TCF12: variants seen among roughly 807,000 people sequenced by gnomAD.
TCF12 encodes transcription factor 12, also known as DNA-binding protein HTF4.
In TCF12, 45 loss-of-function variants were observed where a neutral mutation model predicts 86.0. The ratio of observed to expected loss-of-function variants is 0.52; its 90% CI spans 0.41 to 0.67. The LOEUF (loss-of-function observed/expected upper bound fraction) is 0.67. Among genes scored for constraint, TCF12 ranks in the 30% least tolerant of loss-of-function variants. TCF12 has a pLI of 0.00. For missense variants in TCF12, 881 were observed against 859.9 expected (o/e 1.02, Z -0.31); for synonymous variants, 330 against 299.6 (o/e 1.10, Z -1.05).
intron 5 of TCF12, among the ~76,000 whole-genome samples, chr15:57,103,537 T>C (rs1435116369): frequency 1.3e-5 from 2 of 152,206 alleles, no homozygotes; most frequent in Non-Finnish European, 2.9e-5. Flanking sequence ...AACGCACTTA[T>C]GAAGATGAAT....
At chr15:57,227,572 T>G (rs1019178976) in intron 8 of TCF12, among the ~76,000 whole-genome samples, 1 of 152,266 alleles carries the variant, frequency 6.6e-6, no homozygotes, top group Non-Finnish European at 1.5e-5. Flanking sequence ...GTGAGTGTGA[T>G]GAGGACATGC....
chr15:57,013,467 T>G (rs1004608985), intron 3 of TCF12, among the ~76,000 whole-genome samples: 24 of 152,136 alleles, frequency 1.6e-4, no homozygotes, highest in Non-Finnish European at 7.4e-5. Flanking sequence ...TGCGCCACCA[T>G]GCAAAAATTA....
intron 5 of TCF12, among the ~76,000 whole-genome samples, chr15:57,127,845 C>G (rs1222969628): frequency 6.6e-6 from 1 of 151,994 alleles, no homozygotes; most frequent in African/African-American, 2.4e-5. Context: ...AATTCTCGGG[C>G]GAGCCATCTA....
At chr15:57,051,215 A>G (rs2067588743) in intron 3 of TCF12, among the ~76,000 whole-genome samples, 1 of 152,224 alleles carries the variant, frequency 6.6e-6, no homozygotes, top group Non-Finnish European at 1.5e-5. Context: ...TTATTTACCA[A>G]GCCTTTCTAG....
Position 57,237,284 on chromosome 15 carries a change from C to G in TCF12, c.1035+3177C>G, listed in dbSNP as rs185284379. Among the ~76,000 whole-genome samples, 12 of 152,158 alleles carry G rather than the reference C, an allele frequency of 7.9e-5. No homozygotes were observed. In the East Asian group the frequency reaches 2.3e-3, roughly 29 times the overall value. The stretch of plus-strand genomic sequence containing the variant: ...AATTCATGAAATAACTTTCTTTGTT[C>G]CTTAGACTCAATAACATTAGCATAA... On this transcript the variant is annotated intron_variant, in intron 12 of 20. Coordinates refer to ENST00000333725, the MANE Select transcript of TCF12 (RefSeq NM_207037.2).
intron 4 of TCF12, among the ~76,000 whole-genome samples, chr15:57,066,418 C>G (rs2068878196): frequency 6.6e-6 from 1 of 151,928 alleles, no homozygotes; most frequent in Non-Finnish European, 1.5e-5. Context: ...AAAAATTTGT[C>G]AACTTAAACA....
rs558121697 is a variant in TCF12, at chr15:56,987,103, A to G, written c.148+66005A>G. On this transcript the variant is annotated intron_variant, in intron 3 of 20. Transcript: ENST00000333725. ...AATGCAATATTTAGTGAGCTTAATTAGTTGCTTTTTTTTTTTCCACCCTGA... is the reference window on the plus strand; with the variant it reads ...AATGCAATATTTAGTGAGCTTAATTGGTTGCTTTTTTTTTTTCCACCCTGA... 1.9e-3 allele frequency among the ~76,000 whole-genome samples: 289 copies of G among 151,888 alleles called. 1 individual carries two copies. The highest frequency in any genetic ancestry group is 3.1e-3 in the Non-Finnish European group (208 of 67,936).
chr15:56,977,281 C>T (rs1251991114), intron 3 of TCF12, among the ~76,000 whole-genome samples: 6 of 151,988 alleles, frequency 3.9e-5, no homozygotes, highest in Non-Finnish European at 8.8e-5. Flanking sequence ...GCCTGTAATC[C>T]TAGCACTTTG....
At position 57,051,892 on chromosome 15, in the gene TCF12, G is replaced by T. The variant is rs2067648802; in HGVS notation, c.149-11858G>T. On this transcript the variant is annotated intron_variant, in intron 3 of 20. Coordinates refer to ENST00000333725, the MANE Select transcript of TCF12 (RefSeq NM_207037.2). The stretch of plus-strand genomic sequence containing the variant: ...CAGTTTTCCCATTGCCATTTTTAGA[G>T]ACTATCCTTTCCCTATTATGTATTC... Among the ~76,000 whole-genome samples the T allele has an allele frequency of 2.6e-5, 4 of 152,236 alleles. No homozygotes were observed. The South Asian group carries it at 6.2e-4, about 24-fold the overall frequency.
rs1269656012 is a variant in TCF12 at position 57,286,818 on chromosome 15, T to C, written c.*673T>C. On this transcript the variant is annotated 3_prime_UTR_variant, in exon 21 of 21. Coordinates refer to ENST00000333725, the MANE Select transcript of TCF12 (RefSeq NM_207037.2). The stretch of plus-strand genomic sequence containing the variant: ...TTTTGATTTATTTTTATTTTCTCTT[T>C]GTGGGTGTTATATTTGATCTCTAAA... The C allele has an allele frequency of 2.6e-6, 1 of 377,786 alleles. No individual in the cohort carries two copies. The highest frequency in any genetic ancestry group is 2.1e-5 in the African/African-American group (1 of 47,298). 23.4% of individuals were successfully genotyped at this position (377,786 alleles called of 1,614,324 possible). A position where few individuals can be genotyped will look rare whatever the true frequency, so the allele number is the denominator to read the frequency against.
intron 5 of TCF12, among the ~76,000 whole-genome samples, chr15:57,148,239 T>A (rs2053505138): frequency 6.6e-6 from 1 of 151,604 alleles, no homozygotes; most frequent in African/African-American, 2.4e-5. Flanking sequence ...TAGAGTGGGG[T>A]TATTTTAGAT....
At chr15:57,252,653 T>C (rs2060169803) in intron 15 of TCF12, among the ~76,000 whole-genome samples, 161 bp downstream of exon 15, 1 of 152,246 alleles carries the variant, frequency 6.6e-6, no homozygotes, top group Non-Finnish European at 1.5e-5. Flanking sequence ...TTGTCTCTTA[T>C]GTTGTTGAAA....
At chr15:57,247,756 G>C in intron 13 of TCF12, 6 of 738,348 alleles carry the variant, frequency 8.1e-6, no homozygotes, top group South Asian at 5.7e-5. Context: ...TGTCAGCCTT[G>C]TGTGGTCTAG....
chr15:57,068,650 T>A (rs552931833), intron 4 of TCF12, among the ~76,000 whole-genome samples: 3 of 152,248 alleles, frequency 2.0e-5, no homozygotes, highest in South Asian at 4.1e-4. Flanking sequence ...TCGGGAACAA[T>A]CATCAGATTT....
intron 3 of TCF12, among the ~76,000 whole-genome samples, chr15:56,935,570 C>T (rs1218502587): frequency 6.6e-6 from 1 of 151,850 alleles, no homozygotes; most frequent in Non-Finnish European, 1.5e-5. Context: ...TTTGGTGCAC[C>T]CATCACCCAA....
chr15:57,155,730 A>G (rs1242627133), intron 5 of TCF12, among the ~76,000 whole-genome samples: 1 of 152,188 alleles, frequency 6.6e-6, no homozygotes, highest in Non-Finnish European at 1.5e-5. Context: ...GTTCAAGGCT[A>G]TCGAGCGCCA....
rs2062041410 is a variant in TCF12, at chr15:57,289,641, TAAAG to T, written c.*3499_*3502del. The T allele has an allele frequency of 6.6e-6, 1 of 151,892 alleles. No homozygotes were observed. Among genetic ancestry groups the T allele is most frequent in the African/African-American group, 2.4e-5 (1 of 41,336 alleles). The allele number at this position is 151,892 out of a possible 1,614,324, so 9.4% of individuals were successfully genotyped here. On this transcript the variant is annotated 3_prime_UTR_variant, in exon 21 of 21. Transcript: ENST00000333725. ...TGTGTGTGTCTGTGTGTGTGTGACT[TAAAG>T]AATCTTAAGCTTTGGCATTAAATAG...
At chr15:57,012,298 G>C (rs1346097492) in intron 3 of TCF12, among the ~76,000 whole-genome samples, 2 of 152,080 alleles carry the variant, frequency 1.3e-5, no homozygotes, top group African/African-American at 4.8e-5. Flanking sequence ...AATGGTAATA[G>C]ATATATACAC....
chr15:57,002,767 A>T (rs1191312313), intron 3 of TCF12, among the ~76,000 whole-genome samples: 2 of 152,226 alleles, frequency 1.3e-5, no homozygotes, highest in African/African-American at 4.8e-5. Flanking sequence ...TAAACAGATA[A>T]ATAAAGCAGA....
Sources: allele counts gnomAD v4.1 joint callset (sites outside exome capture counted in the v4.1 genomes callset), GRCh38; gene constraint gnomAD v4.1.1; transcripts MANE v1.5; gene names NCBI Gene and HGNC (gene_info 2026-07-23, HGNC 2026-07-21).